COL6A5: variants seen among roughly 807,000 people sequenced by gnomAD.
COL6A5 encodes the protein collagen alpha-5(VI) chain.
In COL6A5, 48 loss-of-function variants were observed where a neutral mutation model predicts 65.6. That is an observed-to-expected ratio of 0.73 (90% CI 0.58 to 0.93). The LOEUF is 0.93. COL6A5 is among the 40% of genes least tolerant of loss of function. COL6A5 has a pLI of 0.00. For synonymous variants in COL6A5, 291 were observed against 322.8 expected (o/e 0.90, Z 1.05); for missense variants, 914 against 928.3 (o/e 0.98, Z 0.20).
At chr3:130,352,831 G>A (rs1041201249) in intron 1 of COL6A5, among the ~76,000 whole-genome samples, 2 of 152,172 alleles carry the variant, frequency 1.3e-5, no homozygotes, top group Non-Finnish European at 2.9e-5. Context: ...AAACAGCAGG[G>A]TGATGATTTA....
chr3:130,362,252 T>TTCTTTCTCTCTC (rs1553744418), intron 1 of COL6A5, among the ~76,000 whole-genome samples: 1 of 114,364 alleles, frequency 8.7e-6, no homozygotes, highest in African/African-American at 3.5e-5. Context: ...TAAGGTTTCT[T>TTCTTTCTCTCTC]TCTCTCTCTC....
intron 1 of COL6A5, among the ~76,000 whole-genome samples, chr3:130,358,662 AG>A (rs1408214088): frequency 6.6e-6 from 1 of 152,200 alleles, no homozygotes; most frequent in East Asian, 1.9e-4. Context: ...CCCCCCAATC[AG>A]GATTCCAAAA....
chr3:130,423,438 A>G (rs1937549041), intron 28 of COL6A5, among the ~76,000 whole-genome samples: 1 of 152,136 alleles, frequency 6.6e-6, no homozygotes, highest in Admixed American at 6.6e-5. Flanking sequence ...ACTTTGGGGT[A>G]TGAGAATGAC....
chr3:130,376,761 T>C, exon 3 of COL6A5: 1 of 1,613,566 alleles, frequency 6.2e-7, no homozygotes, highest in African/African-American at 1.3e-5. Flanking sequence ...CCTCAGCACA[T>C]TTTCCCAAAA....
At chr3:130,362,359 T>G (rs1935173264) in intron 1 of COL6A5, among the ~76,000 whole-genome samples, 1 of 145,016 alleles carries the variant, frequency 6.9e-6, no homozygotes. Context: ...CATGTGGATG[T>G]CTGGTTGTTT....
chr3:130,384,442 AT>A (rs1936109226), intron 4 of COL6A5, among the ~76,000 whole-genome samples: 1 of 152,106 alleles, frequency 6.6e-6, no homozygotes, highest in Non-Finnish European at 1.5e-5. Flanking sequence ...AAGATCGTCA[AT>A]CCCATGCCTT....
In COL6A5 at chr3:130,379,927, A is replaced by G. The variant is rs1335861579; in HGVS notation, c.1177A>G (p.Ile393Val). 26 of 1,551,252 alleles carry G rather than the reference A, an allele frequency of 1.7e-5. No homozygotes were observed. The Admixed American group carries it at 4.7e-4, about 28-fold the overall frequency. ...AGTGTCTTATCCTCCAGAACAGACAATTTCCACGCTGAAGTCCTATGCAGA... is the reference window on the plus strand; with the variant it reads ...AGTGTCTTATCCTCCAGAACAGACAGTTTCCACGCTGAAGTCCTATGCAGA... The change falls in exon 4 of 42, where the codon ATT (isoleucine) becomes GTT (valine). Residue 393 changes from isoleucine (I) to valine (V), a missense_variant and NMD_transcript_variant. Transcript: ENST00000312481.
chr3:130,409,771 G>C (rs1306698661), intron 18 of COL6A5, among the ~76,000 whole-genome samples: 6 of 152,150 alleles, frequency 3.9e-5, no homozygotes, highest in Admixed American at 3.9e-4. Flanking sequence ...TCATAGAAAA[G>C]GGAAAATCAC....
At chr3:130,420,133 G>T (rs1319936949) in intron 25 of COL6A5, among the ~76,000 whole-genome samples, 2 of 72,316 alleles carry the variant, frequency 2.8e-5, no homozygotes, top group Admixed American at 1.4e-4. Context: ...AATCTAAAAG[G>T]AAAGGAAGAA....
rs76078186 is a variant in COL6A5, at chr3:130,374,246, C to T, written c.67+541C>T. 9.5e-3 allele frequency among the ~76,000 whole-genome samples: 1,444 copies of T among 152,206 alleles called. 11 individuals are homozygous for T. The highest frequency in any genetic ancestry group is 0.068 in the South Asian group (329 of 4,808). ...ACTTATACCTAGATGGTGTAGCCTA[C>T]TACACACCTAGGGCATATGATACAA... On this transcript the variant is annotated intron_variant and NMD_transcript_variant, in intron 2 of 41. Transcript: ENST00000312481.
chr3:130,408,333 T>C (rs1008645675), intron 17 of COL6A5, among the ~76,000 whole-genome samples: 1 of 151,972 alleles, frequency 6.6e-6, no homozygotes, highest in Non-Finnish European at 1.5e-5. Flanking sequence ...GTCTGTCTTA[T>C]GTAGTTGTAG....
intron 17 of COL6A5, among the ~76,000 whole-genome samples, chr3:130,408,360 G>C (rs943667730): frequency 6.6e-6 from 1 of 152,046 alleles, no homozygotes; most frequent in African/African-American, 2.4e-5. Context: ...GATGAAATAC[G>C]CCCTGGTCTC....
intron 5 of COL6A5, among the ~76,000 whole-genome samples, chr3:130,386,191 A>C (rs565361577): frequency 8.5e-5 from 13 of 152,210 alleles, no homozygotes; most frequent in African/African-American, 2.9e-4. Flanking sequence ...CTAGAGTCAG[A>C]GTCAAGGTTC....
intron 10 of COL6A5, among the ~76,000 whole-genome samples, chr3:130,398,612 C>G (rs1301568547): frequency 1.3e-5 from 2 of 152,152 alleles, no homozygotes; most frequent in Non-Finnish European, 2.9e-5. Flanking sequence ...TGGCCAAGTG[C>G]TTAGACTTAT....
At chr3:130,394,895 C>A in exon 8 of COL6A5, 1 of 1,548,308 alleles carries the variant, frequency 6.5e-7, no homozygotes, top group South Asian at 1.2e-5. Context: ...TGCAGTCTGT[C>A]ATCTTCAGGA....
At chr3:130,420,798 T>C (rs1041798840) in intron 25 of COL6A5, among the ~76,000 whole-genome samples, 2 of 152,104 alleles carry the variant, frequency 1.3e-5, no homozygotes, top group Non-Finnish European at 2.9e-5. Flanking sequence ...CATTTTTTTC[T>C]GTATGTCTAT....
intron 8 of COL6A5, among the ~76,000 whole-genome samples, chr3:130,396,893 C>T (rs533478841): frequency 4.6e-5 from 7 of 152,318 alleles, no homozygotes; most frequent in Admixed American, 1.3e-4. Context: ...GATGGAGTCT[C>T]GCTCTGTCGC....
exon 1 of COL6A5, chr3:130,345,870 G>T (rs1454122962): frequency 2.5e-6 from 1 of 398,578 alleles, no homozygotes; most frequent in Admixed American, 4.4e-5. Context: ...ACTGCGCCGC[G>T]GGCGCCCGAG....
chr3:130,455,510 G>T lies in COL6A5; in HGVS notation c.1390G>T (p.Glu464Ter), dbSNP rs555396988. 104 of 1,612,794 alleles carry T rather than the reference G, an allele frequency of 6.4e-5. No homozygotes were observed. The South Asian group carries it at 1.1e-3, about 17-fold the overall frequency. ...GGGAGGTAATGGCTTCATTGGCCAA[G>T]AATTAAATTCTGGGAGAGAATCACC... Residue 464 changes from glutamate to a stop codon, truncating the protein, a stop_gained, in exon 5 of 8, where the codon GAA becomes TAA. Transcript: ENST00000512836. LOFTEE classifies it high-confidence loss of function.
Sources: allele counts gnomAD v4.1 joint callset (sites outside exome capture counted in the v4.1 genomes callset), GRCh38; gene constraint gnomAD v4.1.1; transcripts MANE v1.5; gene names NCBI Gene and HGNC (gene_info 2026-07-23, HGNC 2026-07-21).